The following GXYLT1 variants were observed in gnomAD, a reference collection of about 807,000 sequenced individuals.
GXYLT1 encodes glucoside xylosyltransferase 1.
GXYLT1 carries 29 observed loss-of-function variants against 54.0 expected under a neutral mutation model. The observed-to-expected ratio is 0.54, with a 90% CI of 0.40 to 0.73. GXYLT1 has a LOEUF of 0.73. GXYLT1 is among the 30% of genes least tolerant of loss of function. The pLI, the probability that GXYLT1 is intolerant of heterozygous loss-of-function variation, is 0.00. For synonymous variants in GXYLT1, 176 were observed against 204.1 expected (o/e 0.86, Z 1.17); for missense variants, 490 against 553.4 (o/e 0.89, Z 1.15).
chr12:42,101,441 C>T (rs2065389396), intron 5 of GXYLT1, among the ~76,000 whole-genome samples: 1 of 152,158 alleles, frequency 6.6e-6, no homozygotes, highest in African/African-American at 2.4e-5. Context: ...ACATCATACA[C>T]ACATTAAAAA....
intron 3 of GXYLT1, among the ~76,000 whole-genome samples, chr12:42,111,767 C>G (rs1217983356): frequency 1.3e-5 from 2 of 152,258 alleles, no homozygotes; most frequent in African/African-American, 4.8e-5. Context: ...ATGTCCCTCT[C>G]TGACCGCTTT....
At position 42,102,747 on chromosome 12, in the gene GXYLT1, G is replaced by T. The variant is rs911323161; in HGVS notation, c.864+3071C>A. 1.8e-4 allele frequency among the ~76,000 whole-genome samples: 27 copies of T among 152,034 alleles called. 1 individual carries two copies. Among genetic ancestry groups the T allele is most frequent in the African/African-American group, 6.3e-4 (26 of 41,488 alleles). ...CAGTAATACATTTTTTAGAAGGAGA[G>T]AAAATAAATACCCTAATAGGGATTC... On this transcript the variant is annotated intron_variant, in intron 5 of 7. Coordinates refer to ENST00000398675, the MANE Select transcript of GXYLT1 (RefSeq NM_173601.2).
At chr12:42,088,565 G>A (rs2065310789) in intron 7 of GXYLT1, among the ~76,000 whole-genome samples, 1 of 152,102 alleles carries the variant, frequency 6.6e-6, no homozygotes, top group Non-Finnish European at 1.5e-5. Context: ...TGTCTGACCT[G>A]TTTGTCCCAA....
At chr12:42,109,470 T>A (rs2065439065) in intron 4 of GXYLT1, 96 bp downstream of exon 4, 2 of 781,728 alleles carry the variant, frequency 2.6e-6, no homozygotes, top group East Asian at 3.5e-5. Context: ...ATTATTTAAC[T>A]GGAATTATAT....
Position 42,109,578 on chromosome 12 carries a change from T to G in GXYLT1, c.600A>C (p.Arg200Ser). Residue 200 changes from arginine to serine, a missense_variant, in exon 4 of 8, where the codon AGA (arginine) becomes AGC (serine). By Grantham distance (110) the Arg-to-Ser change is moderately radical. This residue lies in a region of GXYLT1 where 342 missense variants were observed against 342.6 expected (regional missense o/e 1.00). Coordinates refer to ENST00000398675, the MANE Select transcript of GXYLT1 (RefSeq NM_173601.2). ...KKLFKPCASQRLFLPLILKEV... is the reference protein window; with the variant it reads ...KKLFKPCASQSLFLPLILKEV... ...GGAAAAAACTTACCGGCAAGAACAA[T>G]CTCTGCGAAGCACATGGTTTAAAGA... 1 of 1,489,962 alleles carries G rather than the reference T, an allele frequency of 6.7e-7. No individual in the cohort carries two copies. The highest frequency in any genetic ancestry group is 2.6e-5 in the East Asian group (1 of 39,152). 92.3% of individuals were successfully genotyped at this position (1,489,962 alleles called of 1,614,324 possible).
chr12:42,102,175 T>C (rs10785326), intron 5 of GXYLT1, among the ~76,000 whole-genome samples: 78,993 of 152,004 alleles, frequency 0.52, 20,968 homozygotes, highest in South Asian at 0.7. Flanking sequence ...ACTGTCATTA[T>C]CAGCCTGTCC....
chr12:42,144,710 G>A lies in GXYLT1; in HGVS notation c.-64C>T. The A allele has an allele frequency of 3.4e-6, 4 of 1,168,104 alleles. No homozygotes were observed. The highest frequency in any genetic ancestry group is 3.4e-6 in the Non-Finnish European group (3 of 892,858). 72.4% of individuals were successfully genotyped at this position (1,168,104 alleles called of 1,614,324 possible). A position where few individuals can be genotyped will look rare whatever the true frequency, so the allele number is the denominator to read the frequency against. ...CCCGCCCCGACGAACTGGAGCGGAGGGAGGGGCACCGCGCAGCCGCGGGCG... is the reference window on the plus strand; with the variant it reads ...CCCGCCCCGACGAACTGGAGCGGAGAGAGGGGCACCGCGCAGCCGCGGGCG... On this transcript the variant is annotated 5_prime_UTR_variant, in exon 1 of 8. Coordinates refer to ENST00000398675, the MANE Select transcript of GXYLT1 (RefSeq NM_173601.2).
At chr12:42,118,591 G>A (rs185477567) in intron 3 of GXYLT1, among the ~76,000 whole-genome samples, 3 of 152,348 alleles carry the variant, frequency 2.0e-5, no homozygotes, top group East Asian at 1.9e-4. Context: ...GTTTGGCTCT[G>A]TGTTGCCACT....
At chr12:42,121,504 G>A (rs1532220) in intron 2 of GXYLT1, among the ~76,000 whole-genome samples, 26,443 of 151,906 alleles carry the variant, frequency 0.17, 2,332 homozygotes, top group Admixed American at 0.23. Flanking sequence ...GGTGATGCAC[G>A]CCTGTACTCC....
At chr12:42,141,597 A>G (rs2065652712) in intron 1 of GXYLT1, among the ~76,000 whole-genome samples, 1 of 152,148 alleles carries the variant, frequency 6.6e-6, no homozygotes, top group African/African-American at 2.4e-5. Context: ...CTTAACTGTG[A>G]TCATTTCTCA....
At chr12:42,109,130 A>G (rs1220600542) in intron 4 of GXYLT1, among the ~76,000 whole-genome samples, 1 of 152,226 alleles carries the variant, frequency 6.6e-6, no homozygotes. Context: ...TACAATAGAT[A>G]AATTGGCTTG....
intron 1 of GXYLT1, among the ~76,000 whole-genome samples, chr12:42,133,608 T>A (rs114691029): frequency 3.9e-5 from 6 of 152,116 alleles, no homozygotes; most frequent in African/African-American, 1.4e-4. Flanking sequence ...ACCTACTGGT[T>A]CCTCCCCAAC....
Position 42,086,980 on chromosome 12 carries a change from T to C in GXYLT1, c.*806A>G, listed in dbSNP as rs1246207029. 1.3e-5 allele frequency: 2 copies of C among 152,090 alleles called. No homozygotes were observed. The highest frequency in any genetic ancestry group is 6.6e-5 in the Admixed American group (1 of 15,250). The allele number at this position is 152,090 out of a possible 1,614,324, so 9.4% of individuals were successfully genotyped here. A position where few individuals can be genotyped will look rare whatever the true frequency, so the allele number is the denominator to read the frequency against. On this transcript the variant is annotated 3_prime_UTR_variant, in exon 8 of 8. Coordinates refer to ENST00000398675, the MANE Select transcript of GXYLT1 (RefSeq NM_173601.2). The stretch of plus-strand genomic sequence containing the variant: ...AGCATAATATATTTTGCTTCCAGAA[T>C]GCCCAGTAAAGCTGACGTTTTTCAT...
At chr12:42,115,693 T>A (rs894324317) in intron 3 of GXYLT1, among the ~76,000 whole-genome samples, 48 of 151,770 alleles carry the variant, frequency 3.2e-4, no homozygotes. Context: ...ATCATGAAAA[T>A]GGCCATACTG....
intron 5 of GXYLT1, among the ~76,000 whole-genome samples, chr12:42,100,157 T>C (rs978981984): frequency 2.0e-5 from 3 of 152,016 alleles, no homozygotes; most frequent in African/African-American, 7.2e-5. Flanking sequence ...TTGGAAGGGG[T>C]AGAAGTGAAT....
At position 42,091,503 on chromosome 12, in the gene GXYLT1, C is replaced by G. The variant is rs150161520; in HGVS notation, c.1162-3556G>C. Among the ~76,000 whole-genome samples, 435 of 152,226 alleles carry G rather than the reference C, an allele frequency of 2.9e-3. 2 individuals are homozygous for G. Among genetic ancestry groups the G allele is most frequent in the African/African-American group, 9.3e-3 (388 of 41,548 alleles). On this transcript the variant is annotated intron_variant, in intron 7 of 7. Transcript: ENST00000398675. ...TATCCTGCAAAGTCTCAGAACCCCA[C>G]AAGCACTTTTCTTCATTTTTATCAC... is the stretch of plus-strand genomic sequence containing the variant.
In GXYLT1 at chr12:42,109,593, T is replaced by C. The variant is rs1301596242; in HGVS notation, c.585A>G (p.Pro195=). 2 of 1,576,882 alleles carry C rather than the reference T, an allele frequency of 1.3e-6. No individual in the cohort carries two copies. The highest frequency in any genetic ancestry group is 8.6e-7 in the Non-Finnish European group (1 of 1,164,460). ...NAAEWKKLFK[P]CASQRLFLPL... is the part of the protein sequence containing the mutation. Reference sequence around the variant, plus strand: ...GCAAGAACAATCTCTGCGAAGCACATGGTTTAAAGAGTTTTTTCCACTCTG... The same window carrying C: ...GCAAGAACAATCTCTGCGAAGCACACGGTTTAAAGAGTTTTTTCCACTCTG... The change falls in exon 4 of 8, where the codon CCA becomes CCG. Residue 195 remains proline, a synonymous_variant. Coordinates refer to ENST00000398675, the MANE Select transcript of GXYLT1 (RefSeq NM_173601.2).
At position 42,144,719 on chromosome 12, in the gene GXYLT1, C is replaced by A; in HGVS notation, c.-73G>T. ...ACGAACTGGAGCGGAGGGAGGGGCA[C>A]CGCGCAGCCGCGGGCGCAACAAGTT... is the stretch of plus-strand genomic sequence containing the variant. On this transcript the variant is annotated 5_prime_UTR_variant, in exon 1 of 8. Transcript: ENST00000398675. 8.6e-7 allele frequency: 1 copy of A among 1,169,514 alleles called. No individual in the cohort carries two copies. The allele number at this position is 1,169,514 out of a possible 1,614,324, so 72.4% of individuals were successfully genotyped here. A position where few individuals can be genotyped will look rare whatever the true frequency, so the allele number is the denominator to read the frequency against.
chr12:42,125,676 G>A (rs749629156), intron 2 of GXYLT1, among the ~76,000 whole-genome samples: 1 of 152,174 alleles, frequency 6.6e-6, no homozygotes, highest in African/African-American at 2.4e-5. Context: ...GACAGTAAGA[G>A]TCAGGTGGCA....
Sources: allele counts gnomAD v4.1 joint callset (sites outside exome capture counted in the v4.1 genomes callset), GRCh38; gene constraint gnomAD v4.1.1; regional missense constraint gnomAD v4.1.1; transcripts MANE v1.5; gene names NCBI Gene and HGNC (gene_info 2026-07-23, HGNC 2026-07-21).